The following ATP6V0A4 variants were observed in gnomAD, a reference collection of about 807,000 sequenced individuals.
ATP6V0A4 encodes the protein ATPase H+ transporting V0 subunit a4.
A neutral mutation model predicts 107.3 loss-of-function variants in ATP6V0A4; 86 were observed. The observed-to-expected ratio is 0.80, with a 90% CI of 0.67 to 0.96. The LOEUF (loss-of-function observed/expected upper bound fraction) is 0.96. ATP6V0A4 is among the 40% of genes least tolerant of loss of function. ATP6V0A4 has a pLI of 0.00. For missense variants in ATP6V0A4, 908 were observed against 1,045.6 expected, an observed-to-expected ratio of 0.87 and a Z score of 1.81; for synonymous variants, 353 against 381.4, an observed-to-expected ratio of 0.93 and a Z score of 0.87.
chr7:138,793,831 T>G (rs1808534867), intron 1 of ATP6V0A4, among the ~76,000 whole-genome samples: 1 of 152,158 alleles, frequency 6.6e-6, no homozygotes, highest in Admixed American at 6.5e-5. Context: ...CTCCTTTGTG[T>G]TAACCTCCGC....
At chr7:138,728,638 T>G in intron 18 of ATP6V0A4, 123 bp downstream of exon 18, 1 of 1,377,670 alleles carries the variant, frequency 7.3e-7, no homozygotes, top group Non-Finnish European at 1.0e-6. Context: ...GGCGGGTCAG[T>G]TCCTCAACAC....
In ATP6V0A4 at chr7:138,745,824, G is replaced by A. The variant is rs565144873; in HGVS notation, c.1321-544C>T. ...GCCAGATGTGGTGGTATGCACGTTA[G>A]TCGCAGTTACTCAGGAGGCTGAGGC... On this transcript the variant is annotated intron_variant, in intron 13 of 21. Transcript: ENST00000310018. Among the ~76,000 whole-genome samples the A allele has an allele frequency of 1.0e-3, 147 of 145,610 alleles. 1 individual carries two copies. The highest frequency in any genetic ancestry group is 3.6e-3 in the African/African-American group (140 of 39,392).
At chr7:138,793,677 G>A (rs1369978720) in intron 1 of ATP6V0A4, among the ~76,000 whole-genome samples, 2 of 152,126 alleles carry the variant, frequency 1.3e-5, no homozygotes, top group Non-Finnish European at 2.9e-5. Flanking sequence ...GCAGGTCACA[G>A]TGCAACTAAG....
In ATP6V0A4 at chr7:138,798,167, C is replaced by T. The variant is rs1272417593; in HGVS notation, c.-254G>A. The T allele has an allele frequency of 6.3e-7, 1 of 1,597,926 alleles. No individual in the cohort carries two copies. The highest frequency in any genetic ancestry group is 2.3e-5 in the East Asian group (1 of 44,184). On this transcript the variant is annotated 5_prime_UTR_variant, in exon 1 of 22. Coordinates refer to ENST00000310018, the MANE Select transcript of ATP6V0A4 (RefSeq NM_020632.3). ...TCCTCAGCCTGGCCTTTGCCTCCCT[C>T]CACTCGGCTTGCTCGGCAGGTAGCG... is the stretch of plus-strand genomic sequence containing the variant.
At chr7:138,746,562 G>T (rs1274587286) in intron 13 of ATP6V0A4, among the ~76,000 whole-genome samples, 1 of 151,428 alleles carries the variant, frequency 6.6e-6, no homozygotes, top group Non-Finnish European at 1.5e-5. Flanking sequence ...GGAGTAAAGT[G>T]GCGCAATCTC....
intron 19 of ATP6V0A4, among the ~76,000 whole-genome samples, chr7:138,718,619 T>TGGGGAGGAAG (rs1804256849): frequency 1.5e-4 from 5 of 32,440 alleles, no homozygotes; most frequent in Non-Finnish European, 2.1e-4. Flanking sequence ...TGGGGAGGAA[T>TGGGGAGGAAG]GGGGAGGTGC....
intron 19 of ATP6V0A4, among the ~76,000 whole-genome samples, chr7:138,718,607 A>ACGG: frequency 1.5e-5 from 1 of 68,806 alleles, no homozygotes; most frequent in South Asian, 5.9e-4. Flanking sequence ...AATGGGGAGG[A>ACGG]ATGGGGAGGA....
At chr7:138,740,728 C>A (rs904129401) in intron 14 of ATP6V0A4, among the ~76,000 whole-genome samples, 2 of 151,786 alleles carry the variant, frequency 1.3e-5, no homozygotes, top group African/African-American at 4.8e-5. Flanking sequence ...GTGTGAGCCA[C>A]GATGCCCGGC....
intron 19 of ATP6V0A4, among the ~76,000 whole-genome samples, chr7:138,718,461 A>AT (rs1230917027): frequency 3.5e-5 from 2 of 56,774 alleles, no homozygotes; most frequent in Non-Finnish European, 6.2e-5. Context: ...CCAGGAAGGA[A>AT]TGGGGGGGAT....
intron 7 of ATP6V0A4, 28 bp from the exon 8 acceptor site, chr7:138,759,906 T>A: frequency 1.2e-6 from 2 of 1,613,862 alleles, no homozygotes; most frequent in Non-Finnish European, 8.5e-7. Flanking sequence ...AAGACATTCC[T>A]TAAGGCACAG....
intron 3 of ATP6V0A4, 137 bp downstream of exon 3, chr7:138,770,994 C>G (rs1807352637): frequency 1.0e-6 from 1 of 962,104 alleles, no homozygotes; most frequent in Non-Finnish European, 1.7e-6. Flanking sequence ...AGCACTAAAA[C>G]TACAGAATTT....
In ATP6V0A4 at chr7:138,727,473, T is replaced by C. The variant is rs370146100; in HGVS notation, c.2010+1288A>G. Among the ~76,000 whole-genome samples the C allele has an allele frequency of 6.6e-5, 10 of 152,320 alleles. No homozygotes were observed. The East Asian group carries it at 1.2e-3, about 18-fold the overall frequency. On this transcript the variant is annotated intron_variant, in intron 18 of 21. Transcript: ENST00000310018. ...CTTCCTTGCTTTGTCTTCCTCTTTA[T>C]GAATACCTCATATAGATTACGTTTC...
intron 2 of ATP6V0A4, among the ~76,000 whole-genome samples, chr7:138,781,834 TCTCTCTCTC>T (rs1182490605): frequency 3.3e-5 from 2 of 61,208 alleles, no homozygotes; most frequent in Admixed American, 3.7e-4. Flanking sequence ...TTTCTCTGTC[TCTCTCTCTC>T]TTTTTTTTTT....
At chr7:138,764,116 C>T (rs1213408211) in intron 5 of ATP6V0A4, among the ~76,000 whole-genome samples, 1 of 150,824 alleles carries the variant, frequency 6.6e-6, no homozygotes, top group East Asian at 1.9e-4. Context: ...AATTTTTTAA[C>T]ATGTAAAGCT....
At chr7:138,784,791 A>G (rs1808106358) in intron 2 of ATP6V0A4, among the ~76,000 whole-genome samples, 1 of 152,192 alleles carries the variant, frequency 6.6e-6, no homozygotes. Flanking sequence ...CACTGTTCCC[A>G]TTCTTTAGAC....
intron 6 of ATP6V0A4, chr7:138,762,636 C>T (rs1012957467): frequency 1.7e-6 from 1 of 590,444 alleles, no homozygotes; most frequent in African/African-American, 2.0e-5. Flanking sequence ...CTTCTCAAAC[C>T]AACTGCTGTG....
intron 5 of ATP6V0A4, 60 bp downstream of exon 5, chr7:138,768,720 C>T: frequency 5.0e-6 from 8 of 1,596,342 alleles, no homozygotes; most frequent in South Asian, 4.5e-5. Flanking sequence ...TCAGGGCCTT[C>T]AAGGAGACAG....
At chr7:138,713,122 C>G (rs71541402) in intron 20 of ATP6V0A4, among the ~76,000 whole-genome samples, 1 of 150,208 alleles carries the variant, frequency 6.7e-6, no homozygotes. Context: ...AACCCCGTCT[C>G]TACTGAAAAT....
At chr7:138,765,201 C>T (rs1807024344) in intron 5 of ATP6V0A4, among the ~76,000 whole-genome samples, 1 of 152,128 alleles carries the variant, frequency 6.6e-6, no homozygotes, top group African/African-American at 2.4e-5. Context: ...AAATTTCAAA[C>T]ACACACAAGC....
Sources: gnomAD v4.1 joint callset for allele counts (sites outside exome capture counted in the v4.1 genomes callset) on GRCh38, gnomAD v4.1.1 for gene constraint, MANE v1.5 for transcripts, NCBI Gene and HGNC (gene_info 2026-07-23, HGNC 2026-07-21) for gene names.